Variants in GABRG3 observed in about 807,000 individuals in gnomAD.
GABRG3 encodes the protein gamma-aminobutyric acid type A receptor subunit gamma3, also known as gamma-aminobutyric acid receptor subunit gamma-3.
A neutral mutation model predicts 48.8 loss-of-function variants in GABRG3; 25 were observed. The observed-to-expected ratio is 0.51, with a 90% CI of 0.37 to 0.72. The LOEUF is 0.72. Ranked by LOEUF, GABRG3 falls within the 30% of genes least tolerant of loss-of-function variation. The probability of loss-of-function intolerance (pLI) is 0.00; values close to 1 mark genes in which losing one functional copy is unlikely to be tolerated. For synonymous variants in GABRG3, 227 were observed against 217.6 expected (o/e 1.04, Z -0.38); for missense variants, 394 against 577.9 (o/e 0.68, Z 3.26).
intron 6 of GABRG3, among the ~76,000 whole-genome samples, chr15:27,495,135 C>A (rs1037427281): frequency 6.6e-6 from 1 of 152,172 alleles, no homozygotes; most frequent in Non-Finnish European, 1.5e-5. Flanking sequence ...CCTCCTCCCC[C>A]CAACCCATGG....
intron 5 of GABRG3, among the ~76,000 whole-genome samples, chr15:27,410,530 A>G (rs1887764483): frequency 6.6e-6 from 1 of 152,186 alleles, no homozygotes; most frequent in Non-Finnish European, 1.5e-5. Flanking sequence ...AGGTTTAAAA[A>G]TTATATATTT....
intron 3 of GABRG3, among the ~76,000 whole-genome samples, chr15:27,103,669 CA>C (rs1024829527): frequency 2.0e-5 from 3 of 152,142 alleles, no homozygotes; most frequent in African/African-American, 4.8e-5. Flanking sequence ...GCATACAATA[CA>C]ACGGCCTATT....
At chr15:27,078,187 C>T (rs1329880977) in intron 3 of GABRG3, among the ~76,000 whole-genome samples, 1 of 152,090 alleles carries the variant, frequency 6.6e-6, no homozygotes, top group African/African-American at 2.4e-5. Context: ...CTAGGCTTCC[C>T]CAATGTGAGT....
chr15:27,062,858 G>T (rs1490044569), intron 3 of GABRG3, among the ~76,000 whole-genome samples: 2 of 152,264 alleles, frequency 1.3e-5, no homozygotes, highest in Admixed American at 6.5e-5. Context: ...TCCTAAAAGA[G>T]AAATTTAACA....
chr15:27,278,282 C>T (rs567612411), intron 3 of GABRG3, among the ~76,000 whole-genome samples: 1 of 152,180 alleles, frequency 6.6e-6, no homozygotes, highest in African/African-American at 2.4e-5. Flanking sequence ...AAACTCCTGA[C>T]CTTGTGATCC....
rs1891573117 is a variant in GABRG3 at position 27,537,437 on chromosome 15, G to A, written c.*4556G>A. 6.6e-6 allele frequency: 1 copy of A among 152,132 alleles called. No individual in the cohort carries two copies. Among genetic ancestry groups the A allele is most frequent in the African/African-American group, 2.4e-5 (1 of 41,430 alleles). 9.4% of individuals were successfully genotyped at this position (152,132 alleles called of 1,614,324 possible). A position where few individuals can be genotyped will look rare whatever the true frequency, so the allele number is the denominator to read the frequency against. On this transcript the variant is annotated 3_prime_UTR_variant, in exon 10 of 10. Coordinates refer to ENST00000615808, the MANE Select transcript of GABRG3 (RefSeq NM_033223.5). ...GAAACATTCAGGTTCAGAGAGTTTA[G>A]CAGTGCCTCTATGTTTGTGTTCTCT...
At chr15:27,256,657 T>C (rs930134586) in intron 3 of GABRG3, among the ~76,000 whole-genome samples, 1 of 152,124 alleles carries the variant, frequency 6.6e-6, no homozygotes, top group Admixed American at 6.5e-5. Flanking sequence ...GTCAGTTGTT[T>C]ACATACGTCT....
At chr15:27,466,552 T>C (rs912691356) in intron 5 of GABRG3, among the ~76,000 whole-genome samples, 6 of 152,240 alleles carry the variant, frequency 3.9e-5, no homozygotes, top group African/African-American at 1.2e-4. Context: ...TTCTTTTCCT[T>C]CTAAACATTT....
chr15:27,222,693 G>T (rs559172915), intron 3 of GABRG3, among the ~76,000 whole-genome samples: 154 of 133,100 alleles, frequency 1.2e-3, no homozygotes, highest in Middle Eastern at 7.7e-3. Context: ...AAGAAGTCTT[G>T]GAGTGGATTC....
intron 3 of GABRG3, among the ~76,000 whole-genome samples, chr15:27,052,712 G>T (rs1306945421): frequency 6.6e-6 from 1 of 152,172 alleles, no homozygotes; most frequent in African/African-American, 2.4e-5. Flanking sequence ...TGGACAATTT[G>T]GGGGAAAGAT....
intron 2 of GABRG3, among the ~76,000 whole-genome samples, chr15:27,005,269 C>T (rs1186730848): frequency 2.0e-5 from 3 of 152,004 alleles, no homozygotes; most frequent in African/African-American, 4.8e-5. Flanking sequence ...GGTGCAATCT[C>T]GGCTCACTGC....
At chr15:27,260,027 C>T (rs1426155022) in intron 3 of GABRG3, among the ~76,000 whole-genome samples, 1 of 152,158 alleles carries the variant, frequency 6.6e-6, no homozygotes, top group Non-Finnish European at 1.5e-5. Context: ...GAAACTTCTC[C>T]AGAAAAATAA....
At chr15:27,256,440 CAAA>C (rs532681313) in intron 3 of GABRG3, among the ~76,000 whole-genome samples, 6 of 41,052 alleles carry the variant, frequency 1.5e-4, no homozygotes, top group South Asian at 7.1e-4. Flanking sequence ...GACTCCGTCT[CAAA>C]AAAAAAAAAA....
chr15:27,051,768 A>G (rs548387927), intron 3 of GABRG3, among the ~76,000 whole-genome samples: 29 of 152,360 alleles, frequency 1.9e-4, no homozygotes, highest in African/African-American at 6.7e-4. Context: ...TGTAATATAC[A>G]GTGAAATAAT....
chr15:27,006,320 G>A (rs1895584300), intron 2 of GABRG3, among the ~76,000 whole-genome samples: 1 of 152,052 alleles, frequency 6.6e-6, no homozygotes, highest in Non-Finnish European at 1.5e-5. Context: ...TCGTGACTCA[G>A]CCTCCCGAGT....
At chr15:27,256,175 G>A (rs979220018) in intron 3 of GABRG3, among the ~76,000 whole-genome samples, 3 of 152,140 alleles carry the variant, frequency 2.0e-5, no homozygotes, top group African/African-American at 7.2e-5. Context: ...GGGTGTGGTG[G>A]CTCATGCCTG....
At chr15:27,009,885 T>C (rs1895653525) in intron 2 of GABRG3, among the ~76,000 whole-genome samples, 1 of 152,106 alleles carries the variant, frequency 6.6e-6, no homozygotes, top group African/African-American at 2.4e-5. Context: ...CTCCTGCTCC[T>C]CCTCCTCCAC....
Position 27,323,107 on chromosome 15 carries a change from G to A in GABRG3, c.271-3702G>A, listed in dbSNP as rs370951613. On this transcript the variant is annotated intron_variant, in intron 3 of 9. Transcript: ENST00000615808. ...GACAGAAGATAAGGAGAAAAAGGGC[G>A]AACAAGAGGGCCCTGATTGCCAGTC... Among the ~76,000 whole-genome samples the A allele has an allele frequency of 4.6e-5, 7 of 152,274 alleles. No homozygotes were observed. The South Asian group carries it at 1.0e-3, about 23-fold the overall frequency.
At chr15:27,004,440 CAG>C (rs1895541675) in intron 2 of GABRG3, among the ~76,000 whole-genome samples, 1 of 151,662 alleles carries the variant, frequency 6.6e-6, no homozygotes, top group African/African-American at 2.4e-5. Context: ...GGCGGCCGGG[CAG>C]AGACGCTCCC....
Sources: allele counts gnomAD v4.1 joint callset (sites outside exome capture counted in the v4.1 genomes callset), GRCh38; gene constraint gnomAD v4.1.1; transcripts MANE v1.5; gene names NCBI Gene and HGNC (gene_info 2026-07-23, HGNC 2026-07-21).